Variants in TRDN observed in about 807,000 individuals in gnomAD.
The protein encoded by TRDN is triadin.
TRDN carries 161 observed loss-of-function variants against 149.7 expected under a neutral mutation model. The ratio of observed to expected loss-of-function variants is 1.08; its 90% confidence interval spans 0.95 to 1.23. The LOEUF is 1.23. Among genes scored for constraint, TRDN ranks in the 50% most tolerant of loss-of-function variants. The probability of loss-of-function intolerance (pLI) is 0.00; values close to 1 mark genes in which losing one functional copy is unlikely to be tolerated. For missense variants in TRDN, 896 were observed against 823.5 expected (o/e 1.09, Z -1.08); for synonymous variants, 294 against 250.5 (o/e 1.17, Z -1.64).
intron 24 of TRDN, among the ~76,000 whole-genome samples, chr6:123,290,272 A>G (rs917810295): frequency 6.6e-6 from 1 of 151,782 alleles, no homozygotes; most frequent in Admixed American, 6.6e-5. Flanking sequence ...TTTGTAAATA[A>G]CTTGAATCCA....
chr6:123,489,048 G>A (rs1778093218), intron 9 of TRDN: 1 of 152,052 alleles, frequency 6.6e-6, no homozygotes, highest in South Asian at 2.1e-4. Context: ...TTGTGATTCT[G>A]TGCTTTAATA....
At chr6:123,435,593 G>A (rs755118107) in intron 12 of TRDN, among the ~76,000 whole-genome samples, 1 of 146,220 alleles carries the variant, frequency 6.8e-6, no homozygotes, top group Non-Finnish European at 1.5e-5. Flanking sequence ...GGGGGTTGAG[G>A]GATTGTAAAC....
chr6:123,233,316 G>T (rs1366162238), intron 38 of TRDN, among the ~76,000 whole-genome samples: 1 of 152,022 alleles, frequency 6.6e-6, no homozygotes, highest in African/African-American at 2.4e-5. Flanking sequence ...GAGTTTTAAA[G>T]AAAATGAACT....
chr6:123,535,469 C>T (rs1025975096), intron 4 of TRDN, among the ~76,000 whole-genome samples: 2 of 152,116 alleles, frequency 1.3e-5, no homozygotes, highest in African/African-American at 4.8e-5. Context: ...AGTATCTCCT[C>T]TTAGATCCTT....
chr6:123,311,865 C>CA (rs1304465024), intron 24 of TRDN, among the ~76,000 whole-genome samples: 1 of 151,672 alleles, frequency 6.6e-6, no homozygotes, highest in East Asian at 1.9e-4. Context: ...CAGCGTCAAT[C>CA]AAAAAAATCA....
chr6:123,276,469 A>G (rs763604952), intron 26 of TRDN, among the ~76,000 whole-genome samples: 2 of 152,204 alleles, frequency 1.3e-5, no homozygotes, highest in Non-Finnish European at 2.9e-5. Context: ...CTTGTTGTTT[A>G]TAATAAAATG....
At chr6:123,368,529 T>C (rs1475293927) in intron 19 of TRDN, among the ~76,000 whole-genome samples, 1 of 152,142 alleles carries the variant, frequency 6.6e-6, no homozygotes, top group Non-Finnish European at 1.5e-5. Context: ...CCCTGAGTAT[T>C]GGTATATTTT....
intron 12 of TRDN, among the ~76,000 whole-genome samples, chr6:123,405,654 T>C (rs991890448): frequency 2.6e-5 from 4 of 152,050 alleles, no homozygotes; most frequent in Non-Finnish European, 5.9e-5. Flanking sequence ...CGTGATAAAT[T>C]CTCAGACCAA....
intron 9 of TRDN, chr6:123,488,940 T>C (rs1778089098): frequency 6.6e-6 from 1 of 152,194 alleles, no homozygotes; most frequent in Non-Finnish European, 1.5e-5. Context: ...GATGATAATA[T>C]ACTCCTTTTA....
chr6:123,494,879 A>G (rs2114806354), intron 9 of TRDN, among the ~76,000 whole-genome samples: 1 of 151,896 alleles, frequency 6.6e-6, no homozygotes, highest in East Asian at 2.0e-4. Context: ...GATTACAGGC[A>G]CCCACCACCA....
intron 1 of TRDN, among the ~76,000 whole-genome samples, chr6:123,600,778 G>A (rs370999397): frequency 6.6e-6 from 1 of 152,020 alleles, no homozygotes; most frequent in Non-Finnish European, 1.5e-5. Context: ...GTTGAGAGAC[G>A]TTCATAAGTA....
chr6:123,221,592 T>G lies in TRDN; in HGVS notation c.2015-70A>C, dbSNP rs967226116. The G allele has an allele frequency of 8.7e-6, 9 of 1,031,992 alleles. No individual in the cohort carries two copies. In the Admixed American group the frequency reaches 2.2e-4, roughly 25 times the overall value. 63.9% of individuals were successfully genotyped at this position (1,031,992 alleles called of 1,614,324 possible). On this transcript the variant is annotated intron_variant, in intron 39 of 40. Transcript: ENST00000334268. ...ACTTTTATATAAATATATATGGGAC[T>G]GAGAATGTCTAAACAGAAGCACACT...
chr6:123,377,995 C>CCTG, intron 16 of TRDN, 97 bp from the exon 17 acceptor site: 1 of 814,738 alleles, frequency 1.2e-6, no homozygotes, highest in Non-Finnish European at 1.9e-6. Flanking sequence ...CATGCATGTG[C>CCTG]TGATGCCAGA....
intron 23 of TRDN, among the ~76,000 whole-genome samples, chr6:123,325,805 G>C (rs1298571654): frequency 6.6e-6 from 1 of 152,010 alleles, no homozygotes; most frequent in Non-Finnish European, 1.5e-5. Flanking sequence ...GGTGCCTTTT[G>C]GGATAAGTCT....
intron 18 of TRDN, among the ~76,000 whole-genome samples, chr6:123,376,483 C>T (rs775103277): frequency 1.8e-4 from 28 of 152,090 alleles, no homozygotes; most frequent in African/African-American, 4.8e-4. Flanking sequence ...CATCATCAAG[C>T]GCCCAATGTG....
intron 2 of TRDN, among the ~76,000 whole-genome samples, chr6:123,558,108 C>G (rs756137811): frequency 1.3e-5 from 2 of 152,090 alleles, no homozygotes; most frequent in East Asian, 1.9e-4. Context: ...AGGTGCCTGA[C>G]GTCCAGGCAT....
intron 24 of TRDN, among the ~76,000 whole-genome samples, chr6:123,297,408 G>A (rs1778242804): frequency 6.6e-6 from 1 of 151,962 alleles, no homozygotes; most frequent in Admixed American, 6.6e-5. Flanking sequence ...TGAAAGATTA[G>A]AGGAAGTTAA....
In TRDN at chr6:123,260,772, A is replaced by G. The variant is rs57851599; in HGVS notation, c.1805-134T>C. 5.8e-3 allele frequency: 4,045 copies of G among 696,158 alleles called. 127 individuals carry two copies. The East Asian group carries it at 0.079, about 14-fold the overall frequency. 43.1% of individuals were successfully genotyped at this position (696,158 alleles called of 1,614,324 possible). A position where few individuals can be genotyped will look rare whatever the true frequency, so the allele number is the denominator to read the frequency against. On this transcript the variant is annotated intron_variant, in intron 33 of 40. Transcript: ENST00000334268. ...TCTTCCTAAATTACAATAGGCACACATACTCAAAATGGCAAAGAAATGTAC... is the reference window on the plus strand; with the variant it reads ...TCTTCCTAAATTACAATAGGCACACGTACTCAAAATGGCAAAGAAATGTAC...
chr6:123,304,376 C>A (rs1485882844), intron 24 of TRDN, among the ~76,000 whole-genome samples: 1 of 151,292 alleles, frequency 6.6e-6, no homozygotes, highest in Non-Finnish European at 1.5e-5. Context: ...CCTCAGCCTC[C>A]CAAGTAGCTG....
Sources: gnomAD v4.1 joint callset for allele counts (sites outside exome capture counted in the v4.1 genomes callset) on GRCh38, gnomAD v4.1.1 for gene constraint, MANE v1.5 for transcripts, NCBI Gene and HGNC (gene_info 2026-07-23, HGNC 2026-07-21) for gene names.